Variants in PPM1A observed in about 807,000 individuals in gnomAD.
PPM1A encodes protein phosphatase 1A.
A neutral mutation model predicts 35.0 loss-of-function variants in PPM1A; 7 were observed. The ratio of observed to expected loss-of-function variants is 0.20; its 90% CI spans 0.11 to 0.38. The LOEUF (loss-of-function observed/expected upper bound fraction) is 0.38, where lower values mean the gene tolerates loss of function less well. PPM1A is among the 10% of genes least tolerant of loss of function. The pLI is 1.00. For synonymous variants in PPM1A, 153 were observed against 167.3 expected (o/e 0.91, Z 0.66); for missense variants, 239 against 467.8 (o/e 0.51, Z 4.51).
rs1887785008 is a variant in PPM1A, at chr14:60,292,947, A to C, written c.*465A>C. The C allele has an allele frequency of 6.5e-6, 1 of 152,964 alleles. No individual in the cohort carries two copies. The highest frequency in any genetic ancestry group is 1.5e-5 in the Non-Finnish European group (1 of 68,662). The allele number at this position is 152,964 out of a possible 1,614,324, so 9.5% of individuals were successfully genotyped here. A position where few individuals can be genotyped will look rare whatever the true frequency, so the allele number is the denominator to read the frequency against. ...CAGCAGCCATGTCAGCTACACGCTC[A>C]AATGTGCAGATGATTATGGAAAATA... is the stretch of plus-strand genomic sequence containing the variant. On this transcript the variant is annotated 3_prime_UTR_variant, in exon 6 of 6. Transcript: ENST00000395076. The surrounding 1 kb of genome is among the most constrained non-coding windows in gnomAD (Gnocchi z 4.2).
rs1248821865 is a variant in PPM1A at position 60,255,170 on chromosome 14, T to TG, written c.-21+5493_-21+5494insG. Among the ~76,000 whole-genome samples, 368 of 109,638 alleles carry TG rather than the reference T, an allele frequency of 3.4e-3. 6 individuals carry two copies. Among genetic ancestry groups the TG allele is most frequent in the African/African-American group, 0.013 (195 of 15,534 alleles). 71.9% of individuals were successfully genotyped at this position (109,638 alleles called of 152,430 possible). ...TATTTCTATCATATGTTTTTTTTTT[T>TG]TTTGTTTTGTTTTGTTTTTGAGACA... On this transcript the variant is annotated intron_variant, in intron 1 of 5. Coordinates refer to ENST00000395076, the MANE Select transcript of PPM1A (RefSeq NM_021003.5).
At chr14:60,260,463 T>A (rs895612789) in intron 1 of PPM1A, among the ~76,000 whole-genome samples, 5 of 152,118 alleles carry the variant, frequency 3.3e-5, no homozygotes, top group Admixed American at 1.3e-4. Flanking sequence ...ATAGTCACGT[T>A]TTTTAACCTT....
In PPM1A at chr14:60,261,702, T is replaced by G. The variant is rs1025540844; in HGVS notation, c.-21+12025T>G. 5.3e-5 allele frequency among the ~76,000 whole-genome samples: 8 copies of G among 152,338 alleles called. No homozygotes were observed. The East Asian group carries it at 1.2e-3, about 22-fold the overall frequency. ...GTGCTGTCAGATTCAGTGGGCTGTT[T>G]AGTTCACTTTTTATCCAGAAAATGG... is the stretch of plus-strand genomic sequence containing the variant. On this transcript the variant is annotated intron_variant, in intron 1 of 5. Transcript: ENST00000395076.
At chr14:60,284,652 A>AAAG (rs1292634319) in intron 2 of PPM1A, among the ~76,000 whole-genome samples, 1 of 150,000 alleles carries the variant, frequency 6.7e-6, no homozygotes, top group African/African-American at 2.4e-5. Context: ...AAAAAAAAAA[A>AAAG]AAAAGACTGT....
At chr14:60,260,516 A>G (rs1213396405) in intron 1 of PPM1A, among the ~76,000 whole-genome samples, 1 of 152,140 alleles carries the variant, frequency 6.6e-6, no homozygotes, top group East Asian at 1.9e-4. Context: ...AATCATAGTA[A>G]TCTTTTAAAA....
intron 1 of PPM1A, among the ~76,000 whole-genome samples, chr14:60,251,578 T>G (rs780676606): frequency 2.0e-5 from 3 of 152,232 alleles, no homozygotes; most frequent in Non-Finnish European, 2.9e-5. Flanking sequence ...GCAGATTATA[T>G]TATCACATGT....
chr14:60,289,951 A>G lies in PPM1A; in HGVS notation c.1061+37A>G. On this transcript the variant is annotated intron_variant, in intron 4 of 5. Coordinates refer to ENST00000395076, the MANE Select transcript of PPM1A (RefSeq NM_021003.5). This position sits in a 1 kb window ranked among gnomAD's most constrained non-coding sequence, Gnocchi z 4.1. ...TCTGTACACTCTTATGCTTTATGTCAGTGTATGAAAATGTTAGGTATTCAT... is the reference window on the plus strand; with the variant it reads ...TCTGTACACTCTTATGCTTTATGTCGGTGTATGAAAATGTTAGGTATTCAT... 7.4e-7 allele frequency: 1 copy of G among 1,343,558 alleles called. No homozygotes were observed. The highest frequency in any genetic ancestry group is 1.3e-5 in the South Asian group (1 of 74,242). The allele number at this position is 1,343,558 out of a possible 1,614,324, so 83.2% of individuals were successfully genotyped here. A position where few individuals can be genotyped will look rare whatever the true frequency, so the allele number is the denominator to read the frequency against.
chr14:60,270,158 G>A (rs146269330), intron 1 of PPM1A, among the ~76,000 whole-genome samples: 85 of 151,986 alleles, frequency 5.6e-4, no homozygotes, highest in Non-Finnish European at 9.1e-4. Context: ...TGTCCTGTTC[G>A]TTTTTACCCC....
At chr14:60,246,121 G>A, upstream of PPM1A, 3 of 1,375,734 alleles carry the variant, frequency 2.2e-6, no homozygotes, top group South Asian at 1.5e-5. Context: ...ACTGGCTTCA[G>A]TGGAAAAGGA....
chr14:60,288,334 T>C (rs1887255898), intron 3 of PPM1A: 1 of 968,698 alleles, frequency 1.0e-6, no homozygotes, highest in South Asian at 4.8e-5. Flanking sequence ...CAATTTATCA[T>C]CAGTGTTTAT....
chr14:60,259,867 T>G lies in PPM1A; in HGVS notation c.-21+10190T>G, dbSNP rs201376831. Among the ~76,000 whole-genome samples, 6 of 152,056 alleles carry G rather than the reference T, an allele frequency of 3.9e-5. No homozygotes were observed. The East Asian group carries it at 1.2e-3, about 29-fold the overall frequency. ...AATTATATACTTACAAAGTTTACTT[T>G]TAAAAATTGTGTAATACATGCCTTT... On this transcript the variant is annotated intron_variant, in intron 1 of 5. Transcript: ENST00000395076.
At chr14:60,276,304 TC>T (rs1172593538) in intron 1 of PPM1A, among the ~76,000 whole-genome samples, 1 of 152,166 alleles carries the variant, frequency 6.6e-6, no homozygotes, top group African/African-American at 2.4e-5. Context: ...TTCCCCACCT[TC>T]CCCGAGGAGC....
rs968020763 is a variant in PPM1A, at chr14:60,287,161, G to T, written c.952+1420G>T. The T allele has an allele frequency of 1.2e-5, 11 of 940,490 alleles. No individual in the cohort carries two copies. In the Admixed American group the frequency reaches 5.6e-4, roughly 48 times the overall value. The allele number at this position is 940,490 out of a possible 1,614,324, so 58.3% of individuals were successfully genotyped here. A position where few individuals can be genotyped will look rare whatever the true frequency, so the allele number is the denominator to read the frequency against. ...TACTATGAAATGGGATCCAATTTTA[G>T]AAATGAATTGCTACTTTTCTCTTTA... On this transcript the variant is annotated intron_variant, in intron 3 of 5. Coordinates refer to ENST00000395076, the MANE Select transcript of PPM1A (RefSeq NM_021003.5).
chr14:60,287,423 G>C (rs1004535518), intron 3 of PPM1A: 1 of 983,744 alleles, frequency 1.0e-6, no homozygotes, highest in African/African-American at 1.7e-5. Flanking sequence ...ACTGCAACTA[G>C]AGAATAAATA....
upstream of PPM1A, among the ~76,000 whole-genome samples, chr14:60,246,981 A>C (rs914928762): frequency 6.6e-6 from 1 of 152,222 alleles, no homozygotes; most frequent in African/African-American, 2.4e-5. Flanking sequence ...GGAAGCAGAA[A>C]GATAGGCAGG....
chr14:60,285,668 T>G lies in PPM1A; in HGVS notation c.879T>G (p.Asn293Lys), dbSNP rs778413499. The stretch of plus-strand genomic sequence containing the variant: ...GTGTGATTTTGATCTGTTTTCCAAA[T>G]GCACCCAAAGTATCGCCAGAAGCAG... ...NMSVILICFP[N>K]APKVSPEAVK... is the part of the protein sequence containing the mutation. Residue 293 changes from asparagine (N) to lysine (K), a missense_variant, in exon 3 of 6, where the codon AAT becomes AAG. Coordinates refer to ENST00000395076, the MANE Select transcript of PPM1A (RefSeq NM_021003.5). 9 of 1,614,034 alleles carry G rather than the reference T, an allele frequency of 5.6e-6. No individual in the cohort carries two copies. The highest frequency in any genetic ancestry group is 1.1e-5 in the South Asian group (1 of 91,056).
At chr14:60,270,081 G>T (rs1268271619) in intron 1 of PPM1A, among the ~76,000 whole-genome samples, 1 of 152,036 alleles carries the variant, frequency 6.6e-6, no homozygotes, top group East Asian at 1.9e-4. Context: ...GATCTGCATT[G>T]TTTGTATCTT....
chr14:60,288,234 ATCC>A, intron 3 of PPM1A: 1 of 971,828 alleles, frequency 1.0e-6, no homozygotes, highest in Non-Finnish European at 1.2e-6. Flanking sequence ...CAGTTAAAAT[ATCC>A]TAATTTATAT....
intron 1 of PPM1A, among the ~76,000 whole-genome samples, chr14:60,264,293 A>G (rs976691482): frequency 1.3e-5 from 2 of 151,928 alleles, no homozygotes. Context: ...GAGAAGTTCG[A>G]TCTCTGCCTA....
Sources: gnomAD v4.1 joint callset for allele counts (sites outside exome capture counted in the v4.1 genomes callset) on GRCh38, gnomAD v4.1.1 for gene constraint, Gnocchi (gnomAD v3.1) non-coding constraint, MANE v1.5 for transcripts, NCBI Gene and HGNC (gene_info 2026-07-23, HGNC 2026-07-21) for gene names.